Variants in PLCL1 observed in about 807,000 individuals in gnomAD.
PLCL1 encodes phospholipase C like 1 (inactive).
PLCL1 carries 41 observed loss-of-function variants against 84.4 expected under a neutral mutation model. The observed-to-expected ratio is 0.49, with a 90% CI of 0.38 to 0.63. The LOEUF is 0.63. Ranked by LOEUF, PLCL1 falls within the 30% of genes least tolerant of loss-of-function variation. The pLI is 0.00. For missense variants in PLCL1, 1,206 were observed against 1,367.8 expected (o/e 0.88, Z 1.87); for synonymous variants, 490 against 488.3 (o/e 1.00, Z -0.05).
chr2:197,867,093 A>G lies in PLCL1; in HGVS notation c.240+61754A>G, dbSNP rs574453091. 3.9e-5 allele frequency among the ~76,000 whole-genome samples: 6 copies of G among 152,296 alleles called. No individual in the cohort carries two copies. The South Asian group carries it at 1.2e-3, about 32-fold the overall frequency. On this transcript the variant is annotated intron_variant, in intron 1 of 5. Transcript: ENST00000428675. ...GCCCCTGATCTGAGCCTGGAGAGTA[A>G]GACTGAAGTCAGAATGATAAGCCTT...
intron 1 of PLCL1, among the ~76,000 whole-genome samples, chr2:197,818,873 T>C (rs1295084617): frequency 6.6e-6 from 1 of 152,084 alleles, no homozygotes; most frequent in African/African-American, 2.4e-5. Context: ...GTCCTCTTGC[T>C]GCTGCCCCAC....
chr2:198,021,296 G>A (rs1691127159), intron 1 of PLCL1, among the ~76,000 whole-genome samples: 1 of 152,296 alleles, frequency 6.6e-6, no homozygotes, highest in South Asian at 2.1e-4. Flanking sequence ...GAGAAAGCAG[G>A]AAAGATCTAA....
chr2:197,866,709 C>A (rs1415599452), intron 1 of PLCL1, among the ~76,000 whole-genome samples: 1 of 152,138 alleles, frequency 6.6e-6, no homozygotes, highest in African/African-American at 2.4e-5. Context: ...GTTCTGAAAG[C>A]TTCCCCAGGG....
intron 1 of PLCL1, among the ~76,000 whole-genome samples, chr2:198,019,696 T>A (rs915143448): frequency 6.6e-6 from 1 of 151,998 alleles, no homozygotes; most frequent in Non-Finnish European, 1.5e-5. Flanking sequence ...AAAGAAAGAA[T>A]GAAAAGGAAG....
At chr2:198,064,184 T>C (rs1692272206) in intron 1 of PLCL1, among the ~76,000 whole-genome samples, 1 of 152,132 alleles carries the variant, frequency 6.6e-6, no homozygotes, top group African/African-American at 2.4e-5. Context: ...TAATAGTAGG[T>C]GTTAAGGATG....
intron 1 of PLCL1, among the ~76,000 whole-genome samples, chr2:197,951,451 A>G (rs1689387858): frequency 6.6e-6 from 1 of 152,098 alleles, no homozygotes; most frequent in Non-Finnish European, 1.5e-5. Flanking sequence ...GAAATTTTCA[A>G]GCGTATTAGA....
intron 1 of PLCL1, among the ~76,000 whole-genome samples, chr2:198,071,626 T>C (rs552682017): frequency 2.1e-4 from 32 of 151,844 alleles, no homozygotes; most frequent in Non-Finnish European, 3.8e-4. Flanking sequence ...TTTGTGAATT[T>C]GTCTTTTCCA....
chr2:197,814,160 A>G (rs1183488317), intron 1 of PLCL1, among the ~76,000 whole-genome samples: 3 of 152,122 alleles, frequency 2.0e-5, no homozygotes, highest in Non-Finnish European at 4.4e-5. Context: ...TGTACTTTGC[A>G]GATATTGCAT....
Position 198,085,747 on chromosome 2 carries a change from G to A in PLCL1, c.2230G>A (p.Asp744Asn), listed in dbSNP as rs1692860161. The change falls in exon 2 of 6, where the codon GAT becomes AAT. Residue 744 changes from aspartate (D) to asparagine (N), a missense_variant. By Grantham distance (23) the Asp-to-Asn change is conservative (BLOSUM62 1). Transcript: ENST00000428675. The surrounding 1 kb of genome is among the most constrained non-coding windows in gnomAD (Gnocchi z 5.3). ...PKPKGACAKGDVIDPYVCIEI... is the reference protein window; with the variant it reads ...PKPKGACAKGNVIDPYVCIEI... ...GCCCAAGGGAGCTTGTGCCAAAGGG[G>A]ATGTCATAGATCCCTATGTTTGTAT... The A allele has an allele frequency of 6.2e-7, 1 of 1,614,050 alleles. No individual in the cohort carries two copies. The highest frequency in any genetic ancestry group is 8.5e-7 in the Non-Finnish European group (1 of 1,179,906).
intron 1 of PLCL1, among the ~76,000 whole-genome samples, chr2:197,817,914 T>C (rs904244659): frequency 6.6e-6 from 1 of 152,082 alleles, no homozygotes; most frequent in Non-Finnish European, 1.5e-5. Context: ...CTTTGGTTTT[T>C]TTGGAGAACT....
At chr2:198,070,023 A>G (rs1218785182) in intron 1 of PLCL1, among the ~76,000 whole-genome samples, 1 of 152,142 alleles carries the variant, frequency 6.6e-6, no homozygotes, top group Non-Finnish European at 1.5e-5. Flanking sequence ...GCAAAGGCAA[A>G]TTTGTAGTTA....
rs1693328647 is a variant in PLCL1, at chr2:198,101,333, G to A, written c.2968G>A (p.Glu990Lys). The A allele has an allele frequency of 1.9e-6, 3 of 1,594,384 alleles. No individual in the cohort carries two copies. The highest frequency in any genetic ancestry group is 2.6e-6 in the Non-Finnish European group (3 of 1,164,364). Residue 990 changes from glutamate (E) to lysine (K), a missense_variant, in exon 4 of 6, where the codon GAA becomes AAA. Coordinates refer to ENST00000428675, the MANE Select transcript of PLCL1 (RefSeq NM_006226.4). ...CATAGAAATGGCGGACACAGTCCAG[G>A]AAAAGATTGTACAGTGTCAGAAAGC... ...FLIEMADTVQEKIVQCQKAGM... is the reference protein window; with the variant it reads ...FLIEMADTVQKKIVQCQKAGM...
intron 1 of PLCL1, among the ~76,000 whole-genome samples, chr2:197,885,171 G>A (rs920542946): frequency 6.6e-6 from 1 of 152,172 alleles, no homozygotes; most frequent in African/African-American, 2.4e-5. Flanking sequence ...ATTAGTCAGG[G>A]TTCTCCATAG....
chr2:197,850,881 A>G (rs916405600), intron 1 of PLCL1, among the ~76,000 whole-genome samples: 5 of 152,212 alleles, frequency 3.3e-5, no homozygotes, highest in Non-Finnish European at 7.4e-5. Context: ...GGAGAGTTTC[A>G]TGGCCATGAA....
At chr2:198,110,081 A>G (rs112197213) in intron 5 of PLCL1, among the ~76,000 whole-genome samples, 2 of 151,938 alleles carry the variant, frequency 1.3e-5, no homozygotes, top group African/African-American at 4.8e-5. Context: ...TTGTTGAATA[A>G]CAGGCAATAA....
At chr2:197,868,152 G>A (rs1248883797) in intron 1 of PLCL1, among the ~76,000 whole-genome samples, 1 of 152,116 alleles carries the variant, frequency 6.6e-6, no homozygotes, top group African/African-American at 2.4e-5. Flanking sequence ...AACCTTTTAT[G>A]TCCAGTCAAA....
At chr2:198,120,485 C>T (rs1163949081) in intron 5 of PLCL1, among the ~76,000 whole-genome samples, 1 of 151,982 alleles carries the variant, frequency 6.6e-6, no homozygotes, top group Admixed American at 6.6e-5. Flanking sequence ...CCCTTCCCAG[C>T]CTCTAGTAAC....
intron 1 of PLCL1, among the ~76,000 whole-genome samples, chr2:198,030,298 A>G (rs73058876): frequency 0.2 from 30,867 of 152,062 alleles, 3,232 homozygotes; most frequent in East Asian, 0.26. Flanking sequence ...TGTTTGCTAA[A>G]GATAATGGCC....
chr2:198,078,944 A>G (rs1007920863), intron 1 of PLCL1, among the ~76,000 whole-genome samples: 2 of 152,010 alleles, frequency 1.3e-5, no homozygotes, highest in Non-Finnish European at 2.9e-5. Context: ...TTAAGTACAT[A>G]ACCATTTCTA....
Sources: gnomAD v4.1 joint callset for allele counts (sites outside exome capture counted in the v4.1 genomes callset) on GRCh38, gnomAD v4.1.1 for gene constraint, Gnocchi (gnomAD v3.1) non-coding constraint, MANE v1.5 for transcripts, NCBI Gene and HGNC (gene_info 2026-07-23, HGNC 2026-07-21) for gene names.